INPP5A: variants seen among roughly 807,000 people sequenced by gnomAD.
The protein encoded by INPP5A is 43 kDa inositol polyphosphate 5-phophatase.
Under a neutral mutation model 65.2 loss-of-function variants are expected in INPP5A, and 14 were observed. The observed-to-expected ratio is 0.21, with a 90% CI of 0.14 to 0.34. The LOEUF (loss-of-function observed/expected upper bound fraction) is 0.34. INPP5A is among the 10% of genes least tolerant of loss of function. INPP5A has a pLI of 1.00. For synonymous variants in INPP5A, 207 were observed against 208.3 expected, an observed-to-expected ratio of 0.99 and a Z score of 0.05; for missense variants, 431 against 545.6, an observed-to-expected ratio of 0.79 and a Z score of 2.09.
chr10:132,690,272 T>C (rs1016080459), intron 4 of INPP5A, 120 bp from the exon 5 acceptor site: 2 of 720,932 alleles, frequency 2.8e-6, no homozygotes, highest in African/African-American at 3.5e-5. Context: ...TGTGATTAAA[T>C]TATAACTGGT....
At chr10:132,772,636 G>C in intron 12 of INPP5A, among the ~76,000 whole-genome samples, 1 of 119,838 alleles carries the variant, frequency 8.3e-6, no homozygotes, top group Non-Finnish European at 1.8e-5. Context: ...ACGAAGAGTG[G>C]GACGGACACT....
rs1409053232 is a variant in INPP5A at position 132,671,138 on chromosome 10, G to A, written c.307-19254G>A. ...CCACTCCTTCTGGAGTGAGGCATGG[G>A]CATGTGGGCACGCCTCCATCTGTCA... On this transcript the variant is annotated intron_variant, in intron 4 of 15. Transcript: ENST00000368594. Among the ~76,000 whole-genome samples the A allele has an allele frequency of 3.3e-5, 5 of 152,102 alleles. No individual in the cohort carries two copies. In the East Asian group the frequency reaches 9.7e-4, roughly 29 times the overall value.
intron 2 of INPP5A, among the ~76,000 whole-genome samples, chr10:132,645,177 A>G (rs1222317963): frequency 2.1e-5 from 3 of 146,338 alleles, no homozygotes; most frequent in African/African-American, 7.6e-5. Flanking sequence ...CTTGCTGGGG[A>G]CCTCAGAGAC....
chr10:132,769,809 C>T (rs35660338), intron 12 of INPP5A, among the ~76,000 whole-genome samples: 1 of 151,812 alleles, frequency 6.6e-6, no homozygotes, highest in African/African-American at 2.4e-5. Context: ...CTCCCCCCCC[C>T]CAAGTTCCTG....
intron 11 of INPP5A, among the ~76,000 whole-genome samples, chr10:132,764,974 C>T (rs1328638088): frequency 6.9e-6 from 1 of 144,876 alleles, no homozygotes; most frequent in Admixed American, 6.8e-5. Flanking sequence ...GTCAGTCCTG[C>T]TGCGGTGGGA....
At chr10:132,584,160 G>A (rs2071520262) in intron 1 of INPP5A, among the ~76,000 whole-genome samples, 1 of 152,244 alleles carries the variant, frequency 6.6e-6, no homozygotes, top group African/African-American at 2.4e-5. Flanking sequence ...GACCTGTAAT[G>A]TTGTTTCTTT....
At chr10:132,665,244 A>C (rs1590907607) in intron 4 of INPP5A, among the ~76,000 whole-genome samples, 1 of 152,098 alleles carries the variant, frequency 6.6e-6, no homozygotes, top group East Asian at 1.9e-4. Context: ...CAGACAGCGC[A>C]CCCCGCAGCG....
intron 9 of INPP5A, among the ~76,000 whole-genome samples, chr10:132,746,800 C>T (rs1846378793): frequency 6.6e-6 from 1 of 152,246 alleles, no homozygotes; most frequent in Admixed American, 6.5e-5. Flanking sequence ...AGAATCCCTT[C>T]CCAAAGTAGG....
At chr10:132,606,055 A>C (rs745897355) in intron 1 of INPP5A, among the ~76,000 whole-genome samples, 2 of 152,118 alleles carry the variant, frequency 1.3e-5, no homozygotes, top group African/African-American at 4.8e-5. Context: ...CGAGGTGCAC[A>C]CAGTGAACGG....
At chr10:132,610,300 C>T (rs1239781977) in intron 2 of INPP5A, among the ~76,000 whole-genome samples, 2 of 152,200 alleles carry the variant, frequency 1.3e-5, no homozygotes, top group African/African-American at 2.4e-5. Flanking sequence ...TCCCTGTGTG[C>T]GTGGCCCCCC....
At chr10:132,599,155 A>G (rs570589799) in intron 1 of INPP5A, among the ~76,000 whole-genome samples, 2 of 152,230 alleles carry the variant, frequency 1.3e-5, no homozygotes, top group Non-Finnish European at 2.9e-5. Context: ...AACTCATTGC[A>G]GCATTAACCC....
chr10:132,769,807 C>T (rs909033369), intron 12 of INPP5A, among the ~76,000 whole-genome samples: 8 of 142,130 alleles, frequency 5.6e-5, no homozygotes, highest in Non-Finnish European at 8.0e-5. Context: ...AGCTCCCCCC[C>T]CCCAAGTTCC....
At chr10:132,779,245 TCTGG>T (rs973463891) in intron 13 of INPP5A, among the ~76,000 whole-genome samples, 9 of 152,364 alleles carry the variant, frequency 5.9e-5, no homozygotes, top group Admixed American at 4.6e-4. Context: ...CCACTGCCCC[TCTGG>T]CTGGGCTCAC....
At chr10:132,736,892 C>T (rs1211704813) in intron 9 of INPP5A, among the ~76,000 whole-genome samples, 6 of 152,262 alleles carry the variant, frequency 3.9e-5, no homozygotes, top group African/African-American at 1.4e-4. Flanking sequence ...GTGACCTCAT[C>T]TGGTTACCGG....
At chr10:132,760,291 C>T (rs1846709062) in intron 11 of INPP5A, among the ~76,000 whole-genome samples, 1 of 152,206 alleles carries the variant, frequency 6.6e-6, no homozygotes, top group African/African-American at 2.4e-5. Context: ...ACTGGGGGTG[C>T]TGAGGACTTG....
chr10:132,676,850 T>C lies in INPP5A; in HGVS notation c.307-13542T>C, dbSNP rs1163318155. 1.3e-5 allele frequency among the ~76,000 whole-genome samples: 2 copies of C among 152,180 alleles called. No individual in the cohort carries two copies. Among genetic ancestry groups the C allele is most frequent in the Non-Finnish European group, 2.9e-5 (2 of 68,032 alleles). On this transcript the variant is annotated intron_variant, in intron 4 of 15. Coordinates refer to ENST00000368594, the MANE Select transcript of INPP5A (RefSeq NM_005539.5). The surrounding 1 kb of genome is among the most constrained non-coding windows in gnomAD (Gnocchi z 4.0). ...AGTCCAGTGCTTGACCCTGCCCTTT[T>C]CTCTGGCTCCAGCTCCTCCTTGGCA...
At chr10:132,667,201 C>T (rs1442100693) in intron 4 of INPP5A, among the ~76,000 whole-genome samples, 1 of 152,196 alleles carries the variant, frequency 6.6e-6, no homozygotes, top group Non-Finnish European at 1.5e-5. Context: ...TCCAGTATGA[C>T]CTGGATTGTC....
intron 8 of INPP5A, among the ~76,000 whole-genome samples, chr10:132,726,473 C>G (rs1845986673): frequency 6.6e-6 from 1 of 152,204 alleles, no homozygotes; most frequent in African/African-American, 2.4e-5. Context: ...TTGTCCGGCC[C>G]TTTCCCGTTC....
intron 1 of INPP5A, among the ~76,000 whole-genome samples, chr10:132,591,800 G>A (rs1030873925): frequency 2.6e-5 from 4 of 151,830 alleles, no homozygotes; most frequent in African/African-American, 7.3e-5. Flanking sequence ...CCGGAGCTGC[G>A]CCTCTGCATG....
Sources: allele counts gnomAD v4.1 joint callset (sites outside exome capture counted in the v4.1 genomes callset), GRCh38; gene constraint gnomAD v4.1.1; non-coding constraint Gnocchi (gnomAD v3.1); transcripts MANE v1.5; gene names NCBI Gene and HGNC (gene_info 2026-07-23, HGNC 2026-07-21).